Variants in NRXN3 observed in about 807,000 individuals in gnomAD.
The protein encoded by NRXN3 is neurexin III.
In NRXN3, 32 loss-of-function variants were observed where a neutral mutation model predicts 137.6. That is an observed-to-expected ratio of 0.23 (90% CI 0.18 to 0.31). The LOEUF (loss-of-function observed/expected upper bound fraction) is 0.31, where lower values mean the gene tolerates loss of function less well. NRXN3 is among the 10% of genes least tolerant of loss of function. The pLI is 1.00. For synonymous variants in NRXN3, 798 were observed against 784.5 expected (o/e 1.02, Z -0.29); for missense variants, 1,574 against 2,062.5 (o/e 0.76, Z 4.59).
At chr14:79,736,343 T>A (rs183999453) in intron 19 of NRXN3, among the ~76,000 whole-genome samples, 2 of 152,330 alleles carry the variant, frequency 1.3e-5, no homozygotes, top group East Asian at 3.9e-4. Flanking sequence ...AATATTAACT[T>A]TAAACATTTC....
intron 4 of NRXN3, among the ~76,000 whole-genome samples, chr14:78,457,729 A>T (rs1006072156): frequency 1.3e-5 from 2 of 152,194 alleles, no homozygotes; most frequent in African/African-American, 4.8e-5. Context: ...ATATGTGTGT[A>T]TAGATATATC....
chr14:78,175,934 C>T lies in NRXN3; in HGVS notation c.-704+5260C>T, dbSNP rs75570774. 3.7e-3 allele frequency among the ~76,000 whole-genome samples: 556 copies of T among 152,274 alleles called. 29 individuals are homozygous for T. In the East Asian group the frequency reaches 0.094, roughly 26 times the overall value. ...ATATTGAAACATTTAAGATGGATCT[C>T]GTCTCTTTACCCCTCTAGAATGCAA... On this transcript the variant is annotated intron_variant, in intron 1 of 20. Transcript: ENST00000335750.
At chr14:79,128,812 T>C (rs2056985474) in intron 15 of NRXN3, among the ~76,000 whole-genome samples, 1 of 151,896 alleles carries the variant, frequency 6.6e-6, no homozygotes, top group Admixed American at 6.6e-5. Context: ...GGTCCTGGAC[T>C]CTTTTTGGTT....
intron 4 of NRXN3, among the ~76,000 whole-genome samples, chr14:78,632,186 G>A (rs2097528833): frequency 6.7e-6 from 1 of 150,236 alleles, no homozygotes; most frequent in Non-Finnish European, 1.5e-5. Flanking sequence ...CATTTATATC[G>A]TGTAGTGAAT....
intron 8 of NRXN3, among the ~76,000 whole-genome samples, chr14:78,740,955 G>C (rs1446383641): frequency 1.3e-5 from 2 of 152,084 alleles, no homozygotes; most frequent in Non-Finnish European, 2.9e-5. Context: ...GGGCTTTGCT[G>C]TTCTTATTTT....
intron 15 of NRXN3, among the ~76,000 whole-genome samples, chr14:79,414,922 T>C (rs1419566205): frequency 2.0e-5 from 3 of 152,144 alleles, no homozygotes; most frequent in African/African-American, 7.2e-5. Flanking sequence ...TACATTCAAC[T>C]TTTTTAGATT....
intron 4 of NRXN3, among the ~76,000 whole-genome samples, chr14:78,391,914 G>A (rs975904932): frequency 6.6e-6 from 1 of 152,090 alleles, no homozygotes; most frequent in Non-Finnish European, 1.5e-5. Context: ...AGGATGAGGT[G>A]TGGTTCTTCC....
At chr14:78,825,846 T>C (rs992327924) in intron 10 of NRXN3, among the ~76,000 whole-genome samples, 3 of 152,170 alleles carry the variant, frequency 2.0e-5, no homozygotes, top group African/African-American at 7.2e-5. Context: ...TCAAGGCCTT[T>C]TGTCTCACTG....
intron 10 of NRXN3, among the ~76,000 whole-genome samples, chr14:78,864,932 G>A (rs574182226): frequency 1.3e-5 from 2 of 152,286 alleles, no homozygotes; most frequent in East Asian, 1.9e-4. Flanking sequence ...ATTTGCTTTA[G>A]ATGAAAGTCA....
intron 6 of NRXN3, among the ~76,000 whole-genome samples, chr14:78,680,198 A>G (rs931280395): frequency 2.0e-5 from 3 of 152,096 alleles, no homozygotes; most frequent in African/African-American, 4.8e-5. Context: ...ATGGACACAT[A>G]GAAGGAAACA....
At chr14:78,250,212 C>A in intron 2 of NRXN3, 1 of 393,648 alleles carries the variant, frequency 2.5e-6, no homozygotes, top group Non-Finnish European at 5.0e-6. Context: ...CTGTCAACCA[C>A]CATGCTATCT....
At chr14:79,706,212 G>C (rs1485020913) in intron 19 of NRXN3, among the ~76,000 whole-genome samples, 2 of 152,112 alleles carry the variant, frequency 1.3e-5, no homozygotes, top group African/African-American at 4.8e-5. Context: ...TTCCAGTCTT[G>C]TTGCTCAGCC....
chr14:79,404,196 C>T (rs2095265587), intron 15 of NRXN3, among the ~76,000 whole-genome samples: 1 of 152,180 alleles, frequency 6.6e-6, no homozygotes, highest in Non-Finnish European at 1.5e-5. Context: ...AATGTTTGCA[C>T]ACTGAGCATC....
At chr14:79,096,988 C>G (rs558378647) in intron 15 of NRXN3, among the ~76,000 whole-genome samples, 34 of 151,308 alleles carry the variant, frequency 2.2e-4, no homozygotes, top group African/African-American at 8.0e-4. Context: ...ATGCTTTCAG[C>G]CAAGGTGGAA....
At chr14:78,557,881 A>G (rs1443946948) in intron 4 of NRXN3, among the ~76,000 whole-genome samples, 2 of 152,214 alleles carry the variant, frequency 1.3e-5, no homozygotes, top group Non-Finnish European at 2.9e-5. Flanking sequence ...TATTGAGCAC[A>G]TGATTATATA....
intron 15 of NRXN3, among the ~76,000 whole-genome samples, chr14:79,087,693 A>G (rs1007918537): frequency 6.6e-6 from 1 of 152,208 alleles, no homozygotes; most frequent in African/African-American, 2.4e-5. Context: ...AACTCATTAC[A>G]GTTCCATTTA....
At chr14:78,402,795 G>A (rs1049124899) in intron 4 of NRXN3, among the ~76,000 whole-genome samples, 1 of 152,048 alleles carries the variant, frequency 6.6e-6, no homozygotes, top group Non-Finnish European at 1.5e-5. Flanking sequence ...TATCTTATAC[G>A]ATTTGGGGGC....
intron 15 of NRXN3, among the ~76,000 whole-genome samples, chr14:79,135,606 C>T (rs147579212): frequency 6.6e-6 from 1 of 152,248 alleles, no homozygotes; most frequent in Non-Finnish European, 1.5e-5. Flanking sequence ...TATCTCTCTC[C>T]CCCTTACAAA....
At chr14:78,702,303 AAAT>A (rs869146440) in intron 6 of NRXN3, among the ~76,000 whole-genome samples, 1 of 150,746 alleles carries the variant, frequency 6.6e-6, no homozygotes, top group Non-Finnish European at 1.5e-5. Flanking sequence ...GTTCATAAAT[AAAT>A]AATATATAAC....
Sources: allele counts gnomAD v4.1 joint callset (sites outside exome capture counted in the v4.1 genomes callset), GRCh38; gene constraint gnomAD v4.1.1; transcripts MANE v1.5; gene names NCBI Gene and HGNC (gene_info 2026-07-23, HGNC 2026-07-21).